Variants in FMN1 observed in about 807,000 individuals in gnomAD.
FMN1 encodes the protein formin-1.
Under a neutral mutation model 132.4 loss-of-function variants are expected in FMN1, and 110 were observed. The ratio of observed to expected loss-of-function variants is 0.83; its 90% CI spans 0.71 to 0.97. The LOEUF (loss-of-function observed/expected upper bound fraction) is 0.97. Ranked by LOEUF, FMN1 falls within the 50% of genes least tolerant of loss-of-function variation. FMN1 has a pLI of 0.00. For missense variants in FMN1, 1,792 were observed against 1,705.3 expected (o/e 1.05, Z -0.90); for synonymous variants, 722 against 651.7 (o/e 1.11, Z -1.64).
chr15:33,152,842 C>T (rs2140280537), intron 4 of FMN1, among the ~76,000 whole-genome samples: 1 of 149,048 alleles, frequency 6.7e-6, no homozygotes, highest in Middle Eastern at 3.4e-3. Flanking sequence ...CTGGAAGCAA[C>T]TATACCTCTG....
chr15:32,930,156 A>G (rs547176479), intron 9 of FMN1, among the ~76,000 whole-genome samples: 4 of 151,518 alleles, frequency 2.6e-5, no homozygotes, highest in African/African-American at 9.7e-5. Context: ...CGCCCGGCTA[A>G]TTTTTTGCAT....
At chr15:33,114,500 G>A (rs868333822) in intron 4 of FMN1, among the ~76,000 whole-genome samples, 50 of 152,178 alleles carry the variant, frequency 3.3e-4, no homozygotes, top group African/African-American at 1.0e-3. Context: ...CATCTGTTCC[G>A]TTTCAGAAAC....
intron 4 of FMN1, among the ~76,000 whole-genome samples, chr15:33,119,123 G>C (rs764872132): frequency 6.6e-6 from 1 of 152,132 alleles, no homozygotes; most frequent in African/African-American, 2.4e-5. Flanking sequence ...AAACTAGAAA[G>C]CTAAAAACAC....
intron 17 of FMN1, among the ~76,000 whole-genome samples, chr15:32,835,249 T>C (rs1476720861): frequency 1.3e-5 from 2 of 152,220 alleles, no homozygotes; most frequent in African/African-American, 4.8e-5. Flanking sequence ...AAGCAGACTA[T>C]TCAGATACAA....
At chr15:33,178,448 C>G (rs908667376) in intron 3 of FMN1, among the ~76,000 whole-genome samples, 17 of 152,324 alleles carry the variant, frequency 1.1e-4, no homozygotes, top group African/African-American at 3.8e-4. Flanking sequence ...TGCTCTCGGT[C>G]TCAAGTCTGT....
At chr15:33,149,800 T>C (rs1020769898) in intron 4 of FMN1, 10 of 984,754 alleles carry the variant, frequency 1.0e-5, no homozygotes, top group Admixed American at 6.1e-5. Flanking sequence ...TACAATTTTA[T>C]TGGAATTGCA....
At chr15:33,190,759 C>T (rs1966047652) in intron 2 of FMN1, among the ~76,000 whole-genome samples, 1 of 152,158 alleles carries the variant, frequency 6.6e-6, no homozygotes, top group Non-Finnish European at 1.5e-5. Context: ...GCAGCAGCAT[C>T]ATAAAGGTGT....
intron 5 of FMN1, chr15:33,066,462 A>C: frequency 7.2e-7 from 1 of 1,396,876 alleles, no homozygotes; most frequent in Non-Finnish European, 9.5e-7. Flanking sequence ...GGAAAGAAAT[A>C]CAGCAGCACC....
chr15:32,944,333 TC>T lies in FMN1; in HGVS notation c.3139-18073del, dbSNP rs780945871. 6.8e-4 allele frequency among the ~76,000 whole-genome samples: 103 copies of T among 152,200 alleles called. 1 individual carries two copies. Among genetic ancestry groups the T allele is most frequent in the Admixed American group, 4.6e-4 (7 of 15,284 alleles). ...TGTAGTGCCATATTATGCAATGTCA[TC>T]CGACGTGGTGCAAAACAGCTCTTGC... On this transcript the variant is annotated intron_variant, in intron 9 of 20. Transcript: ENST00000616417.
intron 15 of FMN1, among the ~76,000 whole-genome samples, chr15:32,894,623 C>G (rs2060110638): frequency 6.6e-6 from 1 of 152,058 alleles, no homozygotes; most frequent in South Asian, 2.1e-4. Flanking sequence ...AAGTACTTCT[C>G]AGGCTTCAAA....
At chr15:33,080,096 C>G (rs1033096770) in intron 5 of FMN1, among the ~76,000 whole-genome samples, 2 of 152,194 alleles carry the variant, frequency 1.3e-5, no homozygotes, top group African/African-American at 4.8e-5. Flanking sequence ...ACTCCACTTG[C>G]AAGAACAAGT....
intron 17 of FMN1, among the ~76,000 whole-genome samples, chr15:32,853,562 G>T (rs1347521416): frequency 6.6e-6 from 1 of 152,104 alleles, no homozygotes; most frequent in Admixed American, 6.5e-5. Context: ...CATTTTCTAC[G>T]AATCAGTGAA....
At chr15:33,156,847 A>G (rs1964691028) in intron 3 of FMN1, among the ~76,000 whole-genome samples, 1 of 152,214 alleles carries the variant, frequency 6.6e-6, no homozygotes, top group South Asian at 2.1e-4. Flanking sequence ...CAGATGAGCT[A>G]TGCTGAGTTT....
chr15:33,070,386 C>CTTT (rs34096484), intron 5 of FMN1, among the ~76,000 whole-genome samples: 7 of 134,350 alleles, frequency 5.2e-5, no homozygotes, highest in African/African-American at 1.1e-4. Context: ...CGTATTTGGT[C>CTTT]TTTTTTTTTT....
chr15:33,052,553 T>G (rs1191437978), intron 6 of FMN1, among the ~76,000 whole-genome samples: 1 of 147,844 alleles, frequency 6.8e-6, no homozygotes. Flanking sequence ...TACAATTCAA[T>G]TCAATTCAAT....
chr15:33,182,079 A>C (rs537145880), intron 2 of FMN1, among the ~76,000 whole-genome samples: 1 of 152,312 alleles, frequency 6.6e-6, no homozygotes, highest in African/African-American at 2.4e-5. Context: ...GTACATCTGG[A>C]AGCAGAGAGA....
At chr15:33,080,584 C>T (rs2038413559) in intron 5 of FMN1, among the ~76,000 whole-genome samples, 2 of 152,162 alleles carry the variant, frequency 1.3e-5, no homozygotes, top group African/African-American at 4.8e-5. Flanking sequence ...GAAACTCCAT[C>T]TCTACAAAAA....
intron 17 of FMN1, among the ~76,000 whole-genome samples, chr15:32,832,849 C>G (rs1236922267): frequency 1.3e-5 from 2 of 152,120 alleles, no homozygotes; most frequent in Non-Finnish European, 2.9e-5. Flanking sequence ...GCTGAAGCTT[C>G]TATTTCAACT....
intron 6 of FMN1, among the ~76,000 whole-genome samples, chr15:33,049,218 AT>A (rs112329801): frequency 7.2e-5 from 11 of 152,136 alleles, no homozygotes; most frequent in East Asian, 1.9e-4. Flanking sequence ...GAAAGGGGGA[AT>A]TTTTTTTAAA....
Sources: gnomAD v4.1 joint callset for allele counts (sites outside exome capture counted in the v4.1 genomes callset) on GRCh38, gnomAD v4.1.1 for gene constraint, MANE v1.5 for transcripts, NCBI Gene and HGNC (gene_info 2026-07-23, HGNC 2026-07-21) for gene names.